SNF8: variants seen among roughly 807,000 people sequenced by gnomAD.
The protein encoded by SNF8 is SNF8 subunit of ESCRT-II.
In SNF8, 19 loss-of-function variants were observed where a neutral mutation model predicts 36.8. The observed-to-expected ratio is 0.52, with a 90% CI of 0.36 to 0.76. The LOEUF (loss-of-function observed/expected upper bound fraction) is 0.76. Among genes scored for constraint, SNF8 ranks in the 30% least tolerant of loss-of-function variants. The pLI, the probability that SNF8 is intolerant of heterozygous loss-of-function variation, is 0.00. For missense variants in SNF8, 268 were observed against 322.9 expected, an observed-to-expected ratio of 0.83 and a Z score of 1.30; for synonymous variants, 127 against 127.4, an observed-to-expected ratio of 1.00 and a Z score of 0.02.
chr17:48,931,656 G>A lies in SNF8; in HGVS notation c.626C>T (p.Ala209Val), dbSNP rs573455270. 52 of 1,612,936 alleles carry A rather than the reference G, an allele frequency of 3.2e-5. No individual in the cohort carries two copies. Among genetic ancestry groups the A allele is most frequent in the Middle Eastern group, 1.7e-4 (1 of 6,060 alleles). ...KASLKWETER[A>V]RQVLEHLLKE... ...AAAGTTGCATACCAGCACTTGCCGC[G>A]CTCGCTCGGTCTCCCATTTAAGACT... Residue 209 changes from alanine (A) to valine (V), a missense_variant, in exon 7 of 8, where the codon GCG (alanine) becomes GTG (valine). Coordinates refer to ENST00000502492, the MANE Select transcript of SNF8 (RefSeq NM_007241.4).
chr17:48,937,025 T>C lies in SNF8; in HGVS notation c.344A>G (p.Asn115Ser). ...IEVCLALKHR[N>S]GGLITLEELH... The stretch of plus-strand genomic sequence containing the variant: ...CAGGACCTAGCCACCCTCACCTCCA[T>C]TCCGATGCTTCAGCGCCAGGCACAC... Residue 115 changes from asparagine (N) to serine (S), a missense_variant, in exon 4 of 8, where the codon AAT becomes AGT. Transcript: ENST00000502492. 2 of 1,612,790 alleles carry C rather than the reference T, an allele frequency of 1.2e-6. No individual in the cohort carries two copies. Among genetic ancestry groups the C allele is most frequent in the Non-Finnish European group, 1.7e-6 (2 of 1,178,782 alleles).
Position 48,937,083 on chromosome 17 carries a change from AG to A in SNF8, c.285del (p.Phe96SerfsTer5), listed in dbSNP as rs750722478. ...ATTTGGACACCTAGTTCGTAATAGA[AG>A]TCCCCCACGCCCAGCATCTCAGACC... ...GFWSEMLGVG[D>X]FYYELGVQII... On this transcript the variant is annotated frameshift_variant, in exon 4 of 8. Transcript: ENST00000502492. LOFTEE classifies it high-confidence loss of function. 6.2e-7 allele frequency: 1 copy of A among 1,614,208 alleles called. No homozygotes were observed. Among genetic ancestry groups the A allele is most frequent in the South Asian group, 1.1e-5 (1 of 91,086 alleles).
intron 3 of SNF8, among the ~76,000 whole-genome samples, chr17:48,938,823 G>C (rs1191539701): frequency 6.8e-6 from 1 of 147,660 alleles, no homozygotes; most frequent in African/African-American, 2.5e-5. Context: ...CAGTTAACCA[G>C]GATCGCGCCA....
In SNF8 at chr17:48,930,444, T is replaced by G; in HGVS notation, c.*31A>C. 1 of 1,510,550 alleles carries G rather than the reference T, an allele frequency of 6.6e-7. No individual in the cohort carries two copies. Among genetic ancestry groups the G allele is most frequent in the Non-Finnish European group, 8.9e-7 (1 of 1,119,760 alleles). 93.6% of individuals were successfully genotyped at this position (1,510,550 alleles called of 1,614,324 possible). On this transcript the variant is annotated 3_prime_UTR_variant, in exon 8 of 8. Transcript: ENST00000502492. ...TTATTTGCCACCTCCGCCTCCTCCC[T>G]GCCTGCTGCTGTGTGCCCTTCCACA...
At chr17:48,943,824 C>G in intron 2 of SNF8, 101 bp downstream of exon 2, 1 of 1,067,288 alleles carries the variant, frequency 9.4e-7, no homozygotes, top group Non-Finnish European at 1.4e-6. Context: ...GCCAAACACC[C>G]TATTTCTAGT....
intron 3 of SNF8, among the ~76,000 whole-genome samples, chr17:48,939,029 C>T (rs1160947815): frequency 2.0e-5 from 3 of 151,052 alleles, no homozygotes; most frequent in Admixed American, 6.6e-5. Context: ...GAGGCCGAGG[C>T]GGGTGGATCA....
rs761044031 is a variant in SNF8 at position 48,944,785 on chromosome 17, C to T, written c.-51G>A. 6 of 1,541,244 alleles carry T rather than the reference C, an allele frequency of 3.9e-6. No individual in the cohort carries two copies. Among genetic ancestry groups the T allele is most frequent in the African/African-American group, 1.4e-5 (1 of 69,898 alleles). ...CGGCTGCCGGGACCCCGGGTCTCCA[C>T]GTCCCGGACTCCGCCGCCGGCTCCC... On this transcript the variant is annotated 5_prime_UTR_variant, in exon 1 of 8. In the 5' UTR this introduces an upstream ATG that the reference lacks. Transcript: ENST00000502492.
chr17:48,930,893 T>C (rs1252307563), intron 7 of SNF8, among the ~76,000 whole-genome samples: 3 of 152,198 alleles, frequency 2.0e-5, no homozygotes, highest in African/African-American at 4.8e-5. Context: ...TACAGAAATA[T>C]TTGCTGTGTG....
At position 48,936,052 on chromosome 17, in the gene SNF8, T is replaced by TA. The variant is rs1283739657; in HGVS notation, c.422+117dup. On this transcript the variant is annotated intron_variant, in intron 5 of 7. Transcript: ENST00000502492. ...TTTTGTTTTTTTTTTTCCTGTATGA[T>TA]ATGGAGATCATACAGATTTCTAAGC... The TA allele has an allele frequency of 1.7e-5, 12 of 703,176 alleles. No individual in the cohort carries two copies. In the African/African-American group the frequency reaches 2.0e-4, roughly 12 times the overall value. The allele number at this position is 703,176 out of a possible 1,614,324, so 43.6% of individuals were successfully genotyped here. A position where few individuals can be genotyped will look rare whatever the true frequency, so the allele number is the denominator to read the frequency against.
chr17:48,938,212 G>A (rs1294232617), intron 3 of SNF8, among the ~76,000 whole-genome samples: 1 of 152,034 alleles, frequency 6.6e-6, no homozygotes, highest in Non-Finnish European at 1.5e-5. Context: ...AGTGAAAAAT[G>A]CAGGTTGGGC....
At position 48,943,905 on chromosome 17, in the gene SNF8, G is replaced by C. The variant is rs758948362; in HGVS notation, c.105+20C>G. On this transcript the variant is annotated intron_variant, in intron 2 of 7. Coordinates refer to ENST00000502492, the MANE Select transcript of SNF8 (RefSeq NM_007241.4). Reference sequence around the variant, plus strand: ...CTGGTTAGGTCTCCCTCCCTGCCTGGGGCCCCCCAACCGACTTACCTGGGC... The same window carrying C: ...CTGGTTAGGTCTCCCTCCCTGCCTGCGGCCCCCCAACCGACTTACCTGGGC... 1 of 1,613,356 alleles carries C rather than the reference G, an allele frequency of 6.2e-7. No individual in the cohort carries two copies. Among genetic ancestry groups the C allele is most frequent in the Non-Finnish European group, 8.5e-7 (1 of 1,179,378 alleles).
chr17:48,931,292 A>T (rs2040854574), intron 7 of SNF8, among the ~76,000 whole-genome samples: 1 of 152,224 alleles, frequency 6.6e-6, no homozygotes, highest in Non-Finnish European at 1.5e-5. Flanking sequence ...TAGATATGTA[A>T]TTAACGTAGT....
Position 48,931,676 on chromosome 17 carries a change from A to G in SNF8, c.606T>C (p.Leu202=), listed in dbSNP as rs532709763. The change falls in exon 7 of 8, where the codon CTT becomes CTC. Residue 202 remains leucine, a synonymous_variant. Transcript: ENST00000502492. ...YVTVSEIKAS[L]KWETERARQV... ...GCCGCGCTCGCTCGGTCTCCCATTT[A>G]AGACTGGCTTTGATCTCACTGACAG... 742 of 1,613,508 alleles carry G rather than the reference A, an allele frequency of 4.6e-4. 2 individuals carry two copies. Among genetic ancestry groups the G allele is most frequent in the Admixed American group, 1.7e-3 (104 of 59,928 alleles).
rs913345880 is a variant in SNF8 at position 48,937,924 on chromosome 17, C to CA, written c.245-801dup. On this transcript the variant is annotated intron_variant, in intron 3 of 7. Transcript: ENST00000502492. ...CTGGCAACAGAGTGAGACTCCGTTT[C>CA]AAAAAAAATAAATAAATAAAAATAA... Among the ~76,000 whole-genome samples the CA allele has an allele frequency of 4.1e-4, 52 of 127,268 alleles. 1 individual carries two copies. In the South Asian group the frequency reaches 0.011, roughly 26 times the overall value. The allele number at this position is 127,268 out of a possible 152,430, so 83.5% of individuals were successfully genotyped here. A position where few individuals can be genotyped will look rare whatever the true frequency, so the allele number is the denominator to read the frequency against.
At chr17:48,931,920 C>A in intron 6 of SNF8, 1 of 469,128 alleles carries the variant, frequency 2.1e-6, no homozygotes. Flanking sequence ...GGGTTCAATC[C>A]TAAAACTGGG....
At chr17:48,934,610 CAAAA>C (rs373704961) in intron 5 of SNF8, 1 of 146,716 alleles carries the variant, frequency 6.8e-6, no homozygotes, top group Non-Finnish European at 1.5e-5. Flanking sequence ...TTTCAAAAAA[CAAAA>C]AAAAAAAGTA....
At position 48,929,424 on chromosome 17, in the gene SNF8, T is replaced by C. The variant is rs1422372930; in HGVS notation, c.*1051A>G. 2 of 152,186 alleles carry C rather than the reference T, an allele frequency of 1.3e-5. No homozygotes were observed. Among genetic ancestry groups the C allele is most frequent in the Non-Finnish European group, 2.9e-5 (2 of 68,054 alleles). 9.4% of individuals were successfully genotyped at this position (152,186 alleles called of 1,614,324 possible). The stretch of plus-strand genomic sequence containing the variant: ...TCAGTATGGAAAAACCATTGAGTTT[T>C]CAGATTTCCAGTACTAAACTAGCAC... On this transcript the variant is annotated 3_prime_UTR_variant, in exon 8 of 8. Coordinates refer to ENST00000502492, the MANE Select transcript of SNF8 (RefSeq NM_007241.4).
At chr17:48,942,847 C>CTTTT (rs71144543) in intron 2 of SNF8, among the ~76,000 whole-genome samples, 2 of 86,172 alleles carry the variant, frequency 2.3e-5, no homozygotes, top group East Asian at 2.8e-4. Flanking sequence ...CGCACCCGGC[C>CTTTT]TTTTTTTTTT....
rs569717903 is a variant in SNF8 at position 48,941,355 on chromosome 17, A to G, written c.106-293T>C. ...AATCAAGGTGCACATATATACAACC[A>G]AATATATGCACAAAAAAAGAAAAAG... On this transcript the variant is annotated intron_variant, in intron 2 of 7. Transcript: ENST00000502492. Among the ~76,000 whole-genome samples the G allele has an allele frequency of 1.2e-4, 18 of 152,292 alleles. No individual in the cohort carries two copies. In the South Asian group the frequency reaches 2.7e-3, roughly 23 times the overall value.
Sources: gnomAD v4.1 joint callset for allele counts (sites outside exome capture counted in the v4.1 genomes callset) on GRCh38, gnomAD v4.1.1 for gene constraint, MANE v1.5 for transcripts, NCBI Gene and HGNC (gene_info 2026-07-23, HGNC 2026-07-21) for gene names.